Variants in SNTG1 observed in about 807,000 individuals in gnomAD.
The protein encoded by SNTG1 is gamma-1-syntrophin.
SNTG1 carries 39 observed loss-of-function variants against 74.7 expected under a neutral mutation model. The observed-to-expected ratio is 0.52, with a 90% CI of 0.40 to 0.68. The LOEUF (loss-of-function observed/expected upper bound fraction) is 0.68. Among genes scored for constraint, SNTG1 ranks in the 30% least tolerant of loss-of-function variants. SNTG1 has a pLI of 0.00. For missense variants in SNTG1, 685 were observed against 609.5 expected (o/e 1.12, Z -1.30); for synonymous variants, 254 against 217.1 (o/e 1.17, Z -1.49).
intron 1 of SNTG1, among the ~76,000 whole-genome samples, chr8:49,933,347 T>A (rs1000276098): frequency 1.3e-5 from 2 of 152,166 alleles, no homozygotes; most frequent in Non-Finnish European, 2.9e-5. Context: ...TGCATATAAT[T>A]AGCGACTTTT....
At chr8:50,485,382 T>C (rs1030098628) in intron 8 of SNTG1, among the ~76,000 whole-genome samples, 1 of 152,072 alleles carries the variant, frequency 6.6e-6, no homozygotes, top group South Asian at 2.1e-4. Context: ...TGCTATTTAC[T>C]TTTAAAAACT....
intron 1 of SNTG1, among the ~76,000 whole-genome samples, chr8:50,022,007 G>A (rs1319145774): frequency 6.6e-6 from 1 of 151,632 alleles, no homozygotes; most frequent in Non-Finnish European, 1.5e-5. Flanking sequence ...AAAATGCATA[G>A]TTATTTCTTT....
intron 1 of SNTG1, among the ~76,000 whole-genome samples, chr8:49,956,174 T>A (rs1216124954): frequency 6.6e-6 from 1 of 152,210 alleles, no homozygotes; most frequent in Non-Finnish European, 1.5e-5. Flanking sequence ...GATGTTTAAC[T>A]TATTTTTGCA....
At chr8:50,587,609 G>T (rs1402604152) in intron 12 of SNTG1, among the ~76,000 whole-genome samples, 1 of 151,762 alleles carries the variant, frequency 6.6e-6, no homozygotes, top group African/African-American at 2.4e-5. Flanking sequence ...CGGATCACCT[G>T]AAGTCAGGAG....
At chr8:50,237,482 C>T (rs181969235) in intron 2 of SNTG1, among the ~76,000 whole-genome samples, 2 of 152,080 alleles carry the variant, frequency 1.3e-5, no homozygotes, top group Non-Finnish European at 2.9e-5. Flanking sequence ...TCACTTATTC[C>T]CTAGAATATA....
chr8:49,938,557 G>GTTTTCTTTTC (rs1417018491), intron 1 of SNTG1, among the ~76,000 whole-genome samples: 1,700 of 127,006 alleles, frequency 0.013, 61 homozygotes, highest in Middle Eastern at 0.03. Context: ...CTTTTCTTTT[G>GTTTTCTTTTC]TTTTCTTTTC....
chr8:50,485,150 C>T (rs1332055066), intron 8 of SNTG1, among the ~76,000 whole-genome samples: 1 of 152,118 alleles, frequency 6.6e-6, no homozygotes, highest in African/African-American at 2.4e-5. Context: ...TGAGATATGA[C>T]CAAGAGGGCA....
intron 12 of SNTG1, 143 bp downstream of exon 12, chr8:50,553,322 A>T: frequency 1.8e-6 from 2 of 1,131,438 alleles, no homozygotes; most frequent in South Asian, 3.2e-5. Flanking sequence ...TACTTATTGT[A>T]AGAAAACTGA....
chr8:50,071,440 A>ATG (rs769177185), intron 1 of SNTG1, among the ~76,000 whole-genome samples: 12 of 152,062 alleles, frequency 7.9e-5, no homozygotes, highest in Non-Finnish European at 1.2e-4. Context: ...ATGCATATAT[A>ATG]TGTGTGTGTG....
intron 2 of SNTG1, among the ~76,000 whole-genome samples, chr8:50,240,796 A>T (rs2086131208): frequency 6.6e-6 from 1 of 152,220 alleles, no homozygotes; most frequent in African/African-American, 2.4e-5. Context: ...ATGCTTAAAC[A>T]AAGAAAACAA....
At chr8:50,471,919 A>G (rs1446825737) in intron 8 of SNTG1, among the ~76,000 whole-genome samples, 1 of 152,192 alleles carries the variant, frequency 6.6e-6, no homozygotes, top group Non-Finnish European at 1.5e-5. Flanking sequence ...CTAACAATAA[A>G]CTACCTAAAA....
intron 1 of SNTG1, among the ~76,000 whole-genome samples, chr8:49,946,278 C>A (rs1017161339): frequency 6.6e-6 from 1 of 152,138 alleles, no homozygotes; most frequent in Non-Finnish European, 1.5e-5. Flanking sequence ...TACTCTTAAG[C>A]ATATAAAAGT....
intron 2 of SNTG1, among the ~76,000 whole-genome samples, chr8:50,335,593 C>A (rs529436873): frequency 4.3e-4 from 66 of 152,184 alleles, no homozygotes; most frequent in Non-Finnish European, 7.2e-4. Flanking sequence ...GAATCAAATC[C>A]TTCTCACACT....
At chr8:50,729,047 C>G (rs932979951) in intron 17 of SNTG1, among the ~76,000 whole-genome samples, 2 of 152,200 alleles carry the variant, frequency 1.3e-5, no homozygotes, top group African/African-American at 4.8e-5. Context: ...GTGAGCAAAT[C>G]TTCGCCTTTT....
chr8:50,186,747 T>C (rs1422684655), intron 2 of SNTG1, among the ~76,000 whole-genome samples: 3 of 151,986 alleles, frequency 2.0e-5, no homozygotes, highest in Non-Finnish European at 4.4e-5. Context: ...TTGTTTTGCT[T>C]TGTTTGTAAA....
At chr8:50,422,856 G>A (rs2093111712) in intron 4 of SNTG1, among the ~76,000 whole-genome samples, 2 of 152,168 alleles carry the variant, frequency 1.3e-5, no homozygotes, top group South Asian at 4.1e-4. Flanking sequence ...CCCTAGTCAG[G>A]TGATCTCTCA....
chr8:50,368,809 G>C (rs1178551765), intron 2 of SNTG1, among the ~76,000 whole-genome samples: 3 of 152,078 alleles, frequency 2.0e-5, no homozygotes, highest in Non-Finnish European at 2.9e-5. Context: ...GCCCTTGCTA[G>C]GTTTTCTGCT....
chr8:50,224,669 C>A (rs2085239148), intron 2 of SNTG1, among the ~76,000 whole-genome samples: 1 of 152,130 alleles, frequency 6.6e-6, no homozygotes, highest in Non-Finnish European at 1.5e-5. Context: ...CTAGTTCAGG[C>A]CAAGATGGGA....
chr8:50,371,337 C>T (rs569897449), intron 2 of SNTG1, among the ~76,000 whole-genome samples: 1 of 152,302 alleles, frequency 6.6e-6, no homozygotes, highest in Non-Finnish European at 1.5e-5. Flanking sequence ...CCTCAGCAAG[C>T]CCTGAAGGCA....
Sources: allele counts gnomAD v4.1 joint callset (sites outside exome capture counted in the v4.1 genomes callset), GRCh38; gene constraint gnomAD v4.1.1; transcripts MANE v1.5; gene names NCBI Gene and HGNC (gene_info 2026-07-23, HGNC 2026-07-21).